The following TTBK2 variants were observed in gnomAD, a reference collection of about 807,000 sequenced individuals.
TTBK2 encodes tau tubulin kinase 2, also known as tau-tubulin kinase 2.
In TTBK2, 28 loss-of-function variants were observed where a neutral mutation model predicts 110.8. That is an observed-to-expected ratio of 0.25 (90% confidence interval 0.19 to 0.35). TTBK2 has a LOEUF of 0.35. TTBK2 is among the 10% of genes least tolerant of loss of function. The pLI is 1.00. For synonymous variants in TTBK2, 532 were observed against 527.3 expected, an observed-to-expected ratio of 1.01 and a Z score of -0.12; for missense variants, 1,369 against 1,500.3, an observed-to-expected ratio of 0.91 and a Z score of 1.45.
intron 7 of TTBK2, among the ~76,000 whole-genome samples, chr15:42,814,081 G>C (rs1891839763): frequency 6.6e-6 from 1 of 151,850 alleles, no homozygotes; most frequent in African/African-American, 2.4e-5. Flanking sequence ...GAGTGCGATG[G>C]GGCACTATCG....
chr15:42,830,131 G>A, intron 4 of TTBK2, 53 bp from the exon 5 acceptor site: 1 of 1,604,008 alleles, frequency 6.2e-7, no homozygotes, highest in South Asian at 1.1e-5. Flanking sequence ...TATAGTATAA[G>A]AGAAGACTGG....
At chr15:42,774,413 G>C (rs1889810320) in intron 13 of TTBK2, among the ~76,000 whole-genome samples, 1 of 152,082 alleles carries the variant, frequency 6.6e-6, no homozygotes. Context: ...AGTCACCAGG[G>C]GCACCACTGT....
intron 7 of TTBK2, among the ~76,000 whole-genome samples, chr15:42,812,828 C>G (rs1482937982): frequency 2.6e-5 from 4 of 151,276 alleles, no homozygotes; most frequent in African/African-American, 9.7e-5. Flanking sequence ...AAATAAAAAG[C>G]GCAATTATAG....
chr15:42,751,442 A>T (rs2061864769), intron 14 of TTBK2, among the ~76,000 whole-genome samples: 1 of 152,246 alleles, frequency 6.6e-6, no homozygotes, highest in South Asian at 2.1e-4. Context: ...ACACTTAAAA[A>T]TGATTAAGAT....
Position 42,815,958 on chromosome 15 carries a change from A to ATATATATATATATATATATATAT in TTBK2, c.603+1073_603+1074insATATATATATATATATATATATA, listed in dbSNP as rs1555427627. ...TATATATATATATATTTAAAAAAAA[A>ATATATATATATATATATATATAT]ATATATATATATATATATATTTGAG... On this transcript the variant is annotated intron_variant, in intron 7 of 14. Transcript: ENST00000267890. 2.0e-4 allele frequency among the ~76,000 whole-genome samples: 18 copies of ATATATATATATATATATATATAT among 91,690 alleles called. 1 individual carries two copies. In the East Asian group the frequency reaches 3.5e-3, roughly 18 times the overall value. The allele number at this position is 91,690 out of a possible 152,430, so 60.2% of individuals were successfully genotyped here.
chr15:42,911,005 T>G (rs562900568), intron 1 of TTBK2, among the ~76,000 whole-genome samples: 42 of 150,782 alleles, frequency 2.8e-4, no homozygotes, highest in African/African-American at 9.8e-4. Flanking sequence ...GATTGTGCCA[T>G]TGCACTCCAG....
At chr15:42,787,656 C>T (rs1890466454) in intron 10 of TTBK2, among the ~76,000 whole-genome samples, 1 of 152,182 alleles carries the variant, frequency 6.6e-6, no homozygotes, top group Non-Finnish European at 1.5e-5. Flanking sequence ...TAAGTATCAT[C>T]AGTAATGAGA....
At chr15:42,787,795 A>G (rs1890472455) in intron 10 of TTBK2, among the ~76,000 whole-genome samples, 1 of 152,018 alleles carries the variant, frequency 6.6e-6, no homozygotes, top group African/African-American at 2.4e-5. Context: ...TTTAGTTTTT[A>G]TTTTCCTTTT....
Position 42,771,932 on chromosome 15 carries a change from G to A in TTBK2, c.1998+3203C>T, listed in dbSNP as rs181050981. On this transcript the variant is annotated intron_variant, in intron 13 of 14. Transcript: ENST00000267890. ...TCCTGAGGCTTAGTGCCCTCGGTACGAAAAGAGAAAATAATATTCCCTCTG... is the reference window on the plus strand; with the variant it reads ...TCCTGAGGCTTAGTGCCCTCGGTACAAAAAGAGAAAATAATATTCCCTCTG... Among the ~76,000 whole-genome samples the A allele has an allele frequency of 8.5e-5, 13 of 152,202 alleles. No homozygotes were observed. In the East Asian group the frequency reaches 2.5e-3, roughly 29 times the overall value.
At chr15:42,855,843 C>G (rs1004029453) in intron 3 of TTBK2, among the ~76,000 whole-genome samples, 2 of 152,156 alleles carry the variant, frequency 1.3e-5, no homozygotes, top group South Asian at 2.1e-4. Context: ...CGCCACCTCG[C>G]CCGGCTAATT....
intron 9 of TTBK2, chr15:42,802,288 C>T (rs756590861): frequency 4.9e-5 from 39 of 791,936 alleles, no homozygotes; most frequent in Admixed American, 1.0e-4. Context: ...GCTGCCCATT[C>T]GGGAGAAGCT....
Position 42,775,603 on chromosome 15 carries a change from T to C in TTBK2, c.1530A>G (p.Glu510=). 6.2e-7 allele frequency: 1 copy of C among 1,614,114 alleles called. No homozygotes were observed. The highest frequency in any genetic ancestry group is 8.5e-7 in the Non-Finnish European group (1 of 1,179,992). ...RTDHIWHYDE[E]YLPDASKPAS... is the part of the protein sequence containing the mutation. Reference sequence around the variant, plus strand: ...CAGGCTTGGAGGCATCTGGAAGATATTCTTCATCATAGTGCCAGATGTGGT... The same window carrying C: ...CAGGCTTGGAGGCATCTGGAAGATACTCTTCATCATAGTGCCAGATGTGGT... Residue 510 remains glutamate, a synonymous_variant, in exon 13 of 15, where the codon GAA becomes GAG. Transcript: ENST00000267890.
At chr15:42,782,234 G>C (rs1200165853) in intron 11 of TTBK2, among the ~76,000 whole-genome samples, 1 of 152,058 alleles carries the variant, frequency 6.6e-6, no homozygotes, top group East Asian at 1.9e-4. Flanking sequence ...ACCAAACCCT[G>C]CTAATTTTTG....
chr15:42,919,432 G>A (rs2031254470), intron 1 of TTBK2, among the ~76,000 whole-genome samples: 1 of 152,126 alleles, frequency 6.6e-6, no homozygotes, highest in Admixed American at 6.5e-5. Flanking sequence ...GTTATACTGT[G>A]GCAAATCAGG....
chr15:42,753,276 GCAATTATGTAA>G (rs1265446459), intron 13 of TTBK2, 29 bp from the exon 14 acceptor site: 1 of 1,596,200 alleles, frequency 6.3e-7, no homozygotes. Context: ...AAATTAAAAT[GCAATTATGTAA>G]AATATCAACA....
chr15:42,819,355 A>C (rs1270961121), intron 6 of TTBK2, among the ~76,000 whole-genome samples: 1 of 152,056 alleles, frequency 6.6e-6, no homozygotes, highest in Non-Finnish European at 1.5e-5. Flanking sequence ...TCTCAAAAAA[A>C]AAAAAAAAGT....
chr15:42,828,270 C>G (rs574988747), intron 5 of TTBK2, among the ~76,000 whole-genome samples: 84 of 151,836 alleles, frequency 5.5e-4, no homozygotes, highest in Non-Finnish European at 1.1e-3. Context: ...TAAGGTTACA[C>G]ACAAGACAAC....
At chr15:42,906,526 C>A (rs1026742652) in intron 1 of TTBK2, among the ~76,000 whole-genome samples, 1 of 151,966 alleles carries the variant, frequency 6.6e-6, no homozygotes, top group African/African-American at 2.4e-5. Context: ...AAAATCAAAT[C>A]AAAATGGATT....
intron 6 of TTBK2, among the ~76,000 whole-genome samples, chr15:42,824,063 G>C (rs1357842587): frequency 2.0e-5 from 3 of 152,072 alleles, no homozygotes; most frequent in East Asian, 3.9e-4. Context: ...AAGGTGCCAG[G>C]CTCTTTTTAA....
Sources: gnomAD v4.1 joint callset for allele counts (sites outside exome capture counted in the v4.1 genomes callset) on GRCh38, gnomAD v4.1.1 for gene constraint, MANE v1.5 for transcripts, NCBI Gene and HGNC (gene_info 2026-07-23, HGNC 2026-07-21) for gene names.